The following FRY variants were observed in gnomAD, a reference collection of about 807,000 sequenced individuals.
FRY encodes the protein FRY microtubule binding protein, also known as protein furry homolog.
In FRY, 128 loss-of-function variants were observed where a neutral mutation model predicts 348.4. The ratio of observed to expected loss-of-function variants is 0.37; its 90% confidence interval spans 0.32 to 0.43. The LOEUF is 0.43. FRY is among the 20% of genes least tolerant of loss of function. FRY has a pLI of 1.00. For missense variants in FRY, 2,736 were observed against 3,695.2 expected, an observed-to-expected ratio of 0.74 and a Z score of 6.73; for synonymous variants, 1,370 against 1,374.7, an observed-to-expected ratio of 1.00 and a Z score of 0.08.
chr13:32,189,708 C>T lies in FRY; in HGVS notation c.3591+2052C>T, dbSNP rs1883222669. Among the ~76,000 whole-genome samples the T allele has an allele frequency of 2.6e-5, 4 of 151,818 alleles. No individual in the cohort carries two copies. In the South Asian group the frequency reaches 8.3e-4, roughly 31 times the overall value. Reference sequence around the variant, plus strand: ...GGCTTTGCTGATGAATTCCACTGAACATTTAAAGAAAAAATTGCATGGATT... The same window carrying T: ...GGCTTTGCTGATGAATTCCACTGAATATTTAAAGAAAAAATTGCATGGATT... On this transcript the variant is annotated intron_variant, in intron 28 of 60. Transcript: ENST00000542859.
chr13:32,095,920 C>T (rs1269657539), intron 2 of FRY, among the ~76,000 whole-genome samples: 1 of 151,994 alleles, frequency 6.6e-6, no homozygotes, highest in Non-Finnish European at 1.5e-5. Context: ...CTTTTTATCT[C>T]TCTATCCTTC....
At chr13:32,119,397 G>A (rs1023796310) in intron 4 of FRY, among the ~76,000 whole-genome samples, 2 of 152,208 alleles carry the variant, frequency 1.3e-5, no homozygotes, top group East Asian at 1.9e-4. Flanking sequence ...GCTCCTGGCA[G>A]TTAGACTGCA....
intron 16 of FRY, among the ~76,000 whole-genome samples, chr13:32,157,835 C>T (rs912821489): frequency 6.6e-5 from 10 of 152,142 alleles, no homozygotes; most frequent in African/African-American, 2.2e-4. Flanking sequence ...AGAAAGCATG[C>T]GTAGCTTCAA....
chr13:32,202,731 A>C (rs1884105123), intron 31 of FRY, among the ~76,000 whole-genome samples: 1 of 152,092 alleles, frequency 6.6e-6, no homozygotes, highest in Non-Finnish European at 1.5e-5. Context: ...CAGGCAGATC[A>C]CTTGAATCAG....
At chr13:32,187,140 A>G (rs1883072164) in intron 27 of FRY, among the ~76,000 whole-genome samples, 1 of 152,170 alleles carries the variant, frequency 6.6e-6, no homozygotes, top group African/African-American at 2.4e-5. Context: ...TCTCAGTTCA[A>G]TACGTTAGTC....
In FRY at chr13:32,124,852, C is replaced by A; in HGVS notation, c.693C>A (p.Val231=). ...MHIVADLYAE[V]IGVLAQAKFP... ...TTGTGGCAGACCTGTATGCAGAAGTCATTGGAGTGTTGGCACAAGCCAAGT... is the reference window on the plus strand; with the variant it reads ...TTGTGGCAGACCTGTATGCAGAAGTAATTGGAGTGTTGGCACAAGCCAAGT... Residue 231 remains valine, a synonymous_variant, in exon 7 of 61, where the codon GTC becomes GTA. Coordinates refer to ENST00000542859, the MANE Select transcript of FRY (RefSeq NM_023037.3). The A allele has an allele frequency of 6.2e-7, 1 of 1,612,600 alleles. No individual in the cohort carries two copies. The highest frequency in any genetic ancestry group is 1.1e-5 in the South Asian group (1 of 91,022).
intron 11 of FRY, among the ~76,000 whole-genome samples, chr13:32,141,697 T>C (rs532759731): frequency 6.6e-6 from 1 of 152,338 alleles, no homozygotes; most frequent in East Asian, 1.9e-4. Context: ...ATACCACTGA[T>C]TGCATCACCA....
At chr13:32,070,852 A>G (rs1874606564) in intron 1 of FRY, among the ~76,000 whole-genome samples, 1 of 152,148 alleles carries the variant, frequency 6.6e-6, no homozygotes, top group Non-Finnish European at 1.5e-5. Flanking sequence ...TAGGTCTAAC[A>G]TTTAAGTCTT....
chr13:32,258,085 G>A, intron 51 of FRY: 1 of 816,692 alleles, frequency 1.2e-6, no homozygotes, highest in South Asian at 1.4e-5. Flanking sequence ...ATGCTTATTT[G>A]CGTGCATATT....
intron 28 of FRY, among the ~76,000 whole-genome samples, chr13:32,189,411 A>G (rs958640784): frequency 6.6e-6 from 1 of 152,134 alleles, no homozygotes; most frequent in African/African-American, 2.4e-5. Context: ...TATTAAAGAG[A>G]GAAAAGGTGG....
At chr13:32,034,465 G>A (rs1872404105) in intron 1 of FRY, among the ~76,000 whole-genome samples, 1 of 152,168 alleles carries the variant, frequency 6.6e-6, no homozygotes, top group Non-Finnish European at 1.5e-5. Flanking sequence ...TTGAATGGAG[G>A]TGGGAATTAA....
chr13:32,050,887 A>C (rs1873285352), intron 1 of FRY, among the ~76,000 whole-genome samples: 1 of 152,250 alleles, frequency 6.6e-6, no homozygotes, highest in Admixed American at 6.5e-5. Context: ...GTGCACTCTC[A>C]GTTCTCTGAA....
At chr13:32,285,706 A>G (rs1301658762) in intron 58 of FRY, among the ~76,000 whole-genome samples, 3 of 152,250 alleles carry the variant, frequency 2.0e-5, no homozygotes, top group Non-Finnish European at 4.4e-5. Context: ...CACACTTCTG[A>G]AAAGTAAATC....
Position 32,136,867 on chromosome 13 carries a change from T to G in FRY, c.1078-4T>G. 6.6e-7 allele frequency: 1 copy of G among 1,521,346 alleles called. No homozygotes were observed. Among genetic ancestry groups the G allele is most frequent in the Non-Finnish European group, 9.1e-7 (1 of 1,095,392 alleles). The allele number at this position is 1,521,346 out of a possible 1,614,324, so 94.2% of individuals were successfully genotyped here. On this transcript the variant is annotated splice_region_variant and splice_polypyrimidine_tract_variant and intron_variant, in intron 10 of 60. Coordinates refer to ENST00000542859, the MANE Select transcript of FRY (RefSeq NM_023037.3). ...TCCTGTGACCTCCTCTCCTTTCTCC[T>G]CAGGCCTTGTACCCCCTGGTGACCT...
intron 2 of FRY, among the ~76,000 whole-genome samples, chr13:32,083,171 AG>A (rs1211337279): frequency 1.3e-5 from 2 of 151,962 alleles, no homozygotes; most frequent in Non-Finnish European, 2.9e-5. Context: ...TAGTTTTTTC[AG>A]ATCTGTCTTC....
intron 3 of FRY, among the ~76,000 whole-genome samples, chr13:32,112,611 A>G (rs1463225515): frequency 6.6e-6 from 1 of 152,246 alleles, no homozygotes; most frequent in Non-Finnish European, 1.5e-5. Flanking sequence ...AACTAGTGTC[A>G]TATCCGTGAA....
At chr13:32,227,051 G>A (rs1428443880) in intron 39 of FRY, among the ~76,000 whole-genome samples, 1 of 152,146 alleles carries the variant, frequency 6.6e-6, no homozygotes, top group East Asian at 1.9e-4. Flanking sequence ...TGTAATATCT[G>A]ATAAGTTGGG....
chr13:32,065,624 A>G (rs117490837), intron 1 of FRY, among the ~76,000 whole-genome samples: 6,767 of 151,876 alleles, frequency 0.045, 174 homozygotes, highest in Middle Eastern at 0.072. Context: ...TTTTTTAGAG[A>G]GAGTCTCACC....
intron 29 of FRY, 59 bp from the exon 30 acceptor site, chr13:32,201,882 A>G: frequency 1.1e-6 from 1 of 937,142 alleles, no homozygotes; most frequent in South Asian, 1.3e-5. Context: ...AGAGGTAACA[A>G]TCTAGCCACT....
Sources: gnomAD v4.1 joint callset for allele counts (sites outside exome capture counted in the v4.1 genomes callset) on GRCh38, gnomAD v4.1.1 for gene constraint, MANE v1.5 for transcripts, NCBI Gene and HGNC (gene_info 2026-07-23, HGNC 2026-07-21) for gene names.